ZNF19: variants seen among roughly 807,000 people sequenced by gnomAD.
The protein encoded by ZNF19 is zinc finger protein 19 (KOX 12).
In ZNF19, 11 loss-of-function variants were observed where a neutral mutation model predicts 13.1. The observed-to-expected ratio is 0.84, with a 90% CI of 0.53 to 1.39. The LOEUF is 1.39. ZNF19 is among the 40% of genes most tolerant of loss of function. The pLI is 0.00. For synonymous variants in ZNF19, 186 were observed against 187.0 expected (o/e 0.99, Z 0.04); for missense variants, 560 against 547.0 (o/e 1.02, Z -0.24).
Position 71,477,292 on chromosome 16 carries a change from A to C in ZNF19, c.274+936T>G, listed in dbSNP as rs528902018. ...ACCAAGAGTCTGAAAAAGAATAATC[A>C]CCAGACAGAGGAAGCGTGTGAGAAC... On this transcript the variant is annotated intron_variant, in intron 5 of 5. Transcript: ENST00000288177. Among the ~76,000 whole-genome samples, 9 of 152,318 alleles carry C rather than the reference A, an allele frequency of 5.9e-5. No homozygotes were observed. In the South Asian group the frequency reaches 8.3e-4, roughly 14 times the overall value.
intron 4 of ZNF19, 148 bp from the exon 5 acceptor site, chr16:71,478,489 G>T: frequency 1.4e-6 from 1 of 721,736 alleles, no homozygotes. Flanking sequence ...ACAGGAAACT[G>T]AGCATTTGTG....
chr16:71,476,103 T>A lies in ZNF19; in HGVS notation c.444A>T (p.Gln148His). The change falls in exon 6 of 6, where the codon CAA (glutamine) becomes CAT (histidine). Residue 148 changes from glutamine (Q) to histidine (H), a missense_variant. Gln to His is a conservative substitution (Grantham distance 24, BLOSUM62 0). Transcript: ENST00000288177. ...CACAGGGGATTCTTGGAACCTTTCC[T>A]TGGATATTTTTCACTGTGGGGATGT... is the stretch of plus-strand genomic sequence containing the variant. ...HQDIPTVKNI[Q>H]GKVPRIPCAR... 6.2e-7 allele frequency: 1 copy of A among 1,614,208 alleles called. No individual in the cohort carries two copies. Among genetic ancestry groups the A allele is most frequent in the Non-Finnish European group, 8.5e-7 (1 of 1,180,030 alleles).
chr16:71,478,819 AAAAG>A, intron 4 of ZNF19, 56 bp downstream of exon 4: 1 of 1,588,098 alleles, frequency 6.3e-7, no homozygotes, highest in South Asian at 1.1e-5. Flanking sequence ...CCCAGGCTGT[AAAAG>A]AAGGAAGGAA....
At chr16:71,485,107 C>CA (rs889797650) in intron 1 of ZNF19, among the ~76,000 whole-genome samples, 5 of 152,058 alleles carry the variant, frequency 3.3e-5, no homozygotes, top group South Asian at 2.1e-4. Context: ...GGTCTTTGCA[C>CA]AAAAAAGCTG....
chr16:71,477,933 C>T (rs2043612644), intron 5 of ZNF19: 1 of 301,554 alleles, frequency 3.3e-6, no homozygotes, highest in Non-Finnish European at 6.2e-6. Flanking sequence ...AAACAACGTT[C>T]AGCACATGGC....
Position 71,478,547 on chromosome 16 carries a change from CA to C in ZNF19, c.161-207del, listed in dbSNP as rs1484288648. ...CAAGGATAAGTAAGTCAGTGAGATC[CA>C]CAAGGCATGAGCAAACACAGGGAAG... On this transcript the variant is annotated intron_variant, in intron 4 of 5. Coordinates refer to ENST00000288177, the MANE Select transcript of ZNF19 (RefSeq NM_006961.4). 9 of 695,154 alleles carry C rather than the reference CA, an allele frequency of 1.3e-5. No individual in the cohort carries two copies. In the East Asian group the frequency reaches 2.5e-4, roughly 19 times the overall value. 43.1% of individuals were successfully genotyped at this position (695,154 alleles called of 1,614,324 possible).
Position 71,478,297 on chromosome 16 carries a change from C to G in ZNF19, c.205G>C (p.Gly69Arg). The G allele has an allele frequency of 6.2e-7, 1 of 1,614,088 alleles. No individual in the cohort carries two copies. The highest frequency in any genetic ancestry group is 8.5e-7 in the Non-Finnish European group (1 of 1,180,028). The part of the protein sequence containing the change: ...KPALISLLER[G>R]DMAWGLEAQD... Reference sequence around the variant, plus strand: ...GCTTCCAGGCCCCAAGCCATGTCCCCTCTCTCCAAAAGTGAGATCAGTGCA... The same window carrying G: ...GCTTCCAGGCCCCAAGCCATGTCCCGTCTCTCCAAAAGTGAGATCAGTGCA... Residue 69 changes from glycine (G) to arginine (R), a missense_variant, in exon 5 of 6, where the codon GGG becomes CGG. Gly to Arg is a moderately radical substitution (Grantham distance 125). Transcript: ENST00000288177.
intron 2 of ZNF19, among the ~76,000 whole-genome samples, chr16:71,482,542 C>G (rs922024552): frequency 1.3e-5 from 2 of 152,128 alleles, no homozygotes; most frequent in African/African-American, 4.8e-5. Context: ...AATACATATT[C>G]TCTTATTTAG....
In ZNF19 at chr16:71,475,370, C is replaced by T. The variant is rs775270031; in HGVS notation, c.1177G>A (p.Ala393Thr). ...SSYVCDECGKALTSKRNLHQH... is the reference protein window; with the variant it reads ...SSYVCDECGKTLTSKRNLHQH... ...TGAAGATTTCTTTTGCTAGTCAAGG[C>T]TTTTCCACACTCATCACATACATAG... Residue 393 changes from alanine (A) to threonine (T), a missense_variant, in exon 6 of 6, where the codon GCC becomes ACC. Physicochemically the swap from Ala to Thr is moderately conservative, Grantham distance 58. Transcript: ENST00000288177. 1.2e-6 allele frequency: 2 copies of T among 1,614,042 alleles called. No homozygotes were observed. The highest frequency in any genetic ancestry group is 1.7e-6 in the Non-Finnish European group (2 of 1,180,006).
At chr16:71,476,733 C>A (rs1027534361) in intron 5 of ZNF19, among the ~76,000 whole-genome samples, 8 of 152,130 alleles carry the variant, frequency 5.3e-5, no homozygotes, top group African/African-American at 1.4e-4. Flanking sequence ...GCAGATGTCC[C>A]AAAAGACTTA....
intron 5 of ZNF19, 112 bp from the exon 6 acceptor site, chr16:71,476,384 G>T: frequency 8.0e-7 from 1 of 1,257,264 alleles, no homozygotes; most frequent in Non-Finnish European, 1.1e-6. Context: ...TTTCACATCA[G>T]CATGCTGGGA....
In ZNF19 at chr16:71,489,266, T is replaced by C; in HGVS notation, c.-190+6A>G. The C allele has an allele frequency of 2.0e-6, 2 of 985,592 alleles. No individual in the cohort carries two copies. Among genetic ancestry groups the C allele is most frequent in the South Asian group, 4.7e-5 (1 of 21,292 alleles). The allele number at this position is 985,592 out of a possible 1,614,324, so 61.1% of individuals were successfully genotyped here. A position where few individuals can be genotyped will look rare whatever the true frequency, so the allele number is the denominator to read the frequency against. On this transcript the variant is annotated splice_donor_region_variant and intron_variant, in intron 1 of 5. Coordinates refer to ENST00000288177, the MANE Select transcript of ZNF19 (RefSeq NM_006961.4). ...CGCCCAACTGTGGGTCCTTGCACTT[T>C]GGCACCTTTGAGCGCGGACTCAAAA...
intron 3 of ZNF19, 108 bp from the exon 4 acceptor site, chr16:71,479,113 G>C (rs1213453741): frequency 6.7e-7 from 1 of 1,500,044 alleles, no homozygotes; most frequent in Non-Finnish European, 9.2e-7. Flanking sequence ...GTGAGGGATA[G>C]GTAATGAGAA....
Position 71,478,340 on chromosome 16 carries a change from C to A in ZNF19, c.162G>T (p.Gly54=), listed in dbSNP as rs1188628155. ...LENFGNLTAL[G]YPVPKPALIS... ...TCAGTGCAGGTTTGGGAACTGGGTACCCTGAAAACAGGAAGAAAATGGTAC... is the reference window on the plus strand; with the variant it reads ...TCAGTGCAGGTTTGGGAACTGGGTAACCTGAAAACAGGAAGAAAATGGTAC... Residue 54 remains glycine (G), a splice_region_variant and synonymous_variant, in exon 5 of 6, where the codon GGG becomes GGT. Transcript: ENST00000288177. 2 of 1,610,428 alleles carry A rather than the reference C, an allele frequency of 1.2e-6. No homozygotes were observed. Among genetic ancestry groups the A allele is most frequent in the Non-Finnish European group, 1.7e-6 (2 of 1,177,058 alleles).
intron 1 of ZNF19, chr16:71,487,436 C>T (rs912339730): frequency 6.5e-6 from 1 of 152,772 alleles, no homozygotes; most frequent in Non-Finnish European, 1.5e-5. Context: ...CCAATTAAAC[C>T]TCTTTTCTCC....
rs2043619669 is a variant in ZNF19 at position 71,478,890 on chromosome 16, AGGT to A, written c.146_148del (p.Asn49_Leu50delinsMet). 6.2e-7 allele frequency: 1 copy of A among 1,614,036 alleles called. No individual in the cohort carries two copies. The highest frequency in any genetic ancestry group is 8.5e-7 in the Non-Finnish European group (1 of 1,179,984). The stretch of plus-strand genomic sequence containing the variant: ...GAAAATGGCCTTACCCAAAGCAGTC[AGGT>A]TCCCAAAATTCTCCAACATCACACT... On this transcript the variant is annotated inframe_deletion, in exon 4 of 6. Transcript: ENST00000288177.
At chr16:71,488,245 A>G (rs565168488) in intron 1 of ZNF19, among the ~76,000 whole-genome samples, 28 of 152,012 alleles carry the variant, frequency 1.8e-4, no homozygotes, top group African/African-American at 5.8e-4. Flanking sequence ...CTGTAATCCC[A>G]GCTACTCAGG....
intron 5 of ZNF19, chr16:71,477,755 T>C (rs2043611706): frequency 6.4e-6 from 1 of 157,372 alleles, no homozygotes; most frequent in Non-Finnish European, 1.4e-5. Context: ...TCCCATGCCA[T>C]GACTTCCTAG....
intron 2 of ZNF19, among the ~76,000 whole-genome samples, chr16:71,483,794 T>A (rs1384670125): frequency 6.6e-6 from 1 of 152,124 alleles, no homozygotes; most frequent in Non-Finnish European, 1.5e-5. Context: ...ACAGATGAAG[T>A]AGAGAGAGAA....
Sources: allele counts gnomAD v4.1 joint callset (sites outside exome capture counted in the v4.1 genomes callset), GRCh38; gene constraint gnomAD v4.1.1; transcripts MANE v1.5; gene names NCBI Gene and HGNC (gene_info 2026-07-23, HGNC 2026-07-21).